Variants in PRKAG2 observed in about 807,000 individuals in gnomAD.
PRKAG2 encodes the protein 5'-AMP-activated protein kinase subunit gamma-2.
In PRKAG2, 26 loss-of-function variants were observed where a neutral mutation model predicts 69.6. That is an observed-to-expected ratio of 0.37 (90% CI 0.27 to 0.52). The LOEUF (loss-of-function observed/expected upper bound fraction) is 0.52. PRKAG2 is among the 20% of genes least tolerant of loss of function. The pLI is 0.90. For missense variants in PRKAG2, 557 were observed against 740.0 expected (o/e 0.75, Z 2.87); for synonymous variants, 293 against 285.0 (o/e 1.03, Z -0.28).
intron 4 of PRKAG2, among the ~76,000 whole-genome samples, chr7:151,671,395 C>T (rs1254115588): frequency 2.0e-5 from 3 of 152,102 alleles, no homozygotes. Flanking sequence ...CACATTCCTC[C>T]ACAGAGATTA....
intron 3 of PRKAG2, among the ~76,000 whole-genome samples, chr7:151,712,690 G>A (rs921661756): frequency 6.6e-6 from 1 of 152,224 alleles, no homozygotes. Context: ...TGCAGAGTAA[G>A]CAAAATGAGT....
At position 151,876,516 on chromosome 7, in the gene PRKAG2, C is replaced by A; in HGVS notation, c.105G>T (p.Val35=). 6 of 1,606,748 alleles carry A rather than the reference C, an allele frequency of 3.7e-6. No individual in the cohort carries two copies. Among genetic ancestry groups the A allele is most frequent in the Non-Finnish European group, 5.1e-6 (6 of 1,179,756 alleles). The change falls in exon 1 of 16, where the codon GTG becomes GTT. Residue 35 remains valine, a synonymous_variant. Coordinates refer to ENST00000287878, the MANE Select transcript of PRKAG2 (RefSeq NM_016203.4). ...NASQKRRSLR[V]HIPDLSSFAM... ...GAGTGCTGGGACTCACCGGAATGTG[C>A]ACGCGCAGCGAACGCCTCTTCTGGC...
At chr7:151,619,463 A>G (rs1398754981) in intron 5 of PRKAG2, among the ~76,000 whole-genome samples, 1 of 152,232 alleles carries the variant, frequency 6.6e-6, no homozygotes, top group Non-Finnish European at 1.5e-5. Context: ...TGTATTTATC[A>G]GTAGCATAGA....
At chr7:151,739,667 C>T (rs781206934) in intron 3 of PRKAG2, among the ~76,000 whole-genome samples, 9 of 151,856 alleles carry the variant, frequency 5.9e-5, no homozygotes, top group African/African-American at 7.3e-5. Context: ...ACGGGGGTTT[C>T]GCCATGTTGC....
At chr7:151,688,963 A>G (rs1455793445) in intron 3 of PRKAG2, among the ~76,000 whole-genome samples, 2 of 152,042 alleles carry the variant, frequency 1.3e-5, no homozygotes, top group African/African-American at 4.8e-5. Context: ...AGCTATACCC[A>G]TTTTGCACCC....
At chr7:151,867,817 T>C (rs1288861867) in intron 1 of PRKAG2, among the ~76,000 whole-genome samples, 1 of 152,176 alleles carries the variant, frequency 6.6e-6, no homozygotes, top group East Asian at 1.9e-4. Context: ...TCTATTTCTT[T>C]ATTCACAAGT....
At chr7:151,597,137 T>C (rs1260784275) in intron 5 of PRKAG2, among the ~76,000 whole-genome samples, 1 of 152,166 alleles carries the variant, frequency 6.6e-6, no homozygotes, top group Non-Finnish European at 1.5e-5. Flanking sequence ...TACAGCCAAA[T>C]GATTTTTGAC....
intron 4 of PRKAG2, among the ~76,000 whole-genome samples, chr7:151,664,078 T>C (rs1178093215): frequency 6.6e-6 from 1 of 152,176 alleles, no homozygotes; most frequent in African/African-American, 2.4e-5. Flanking sequence ...ACTTGACCCA[T>C]GAGACACCAT....
intron 3 of PRKAG2, among the ~76,000 whole-genome samples, chr7:151,747,857 C>A (rs368654606): frequency 1.3e-5 from 2 of 151,774 alleles, no homozygotes; most frequent in South Asian, 2.1e-4. Context: ...CTGTTTATAG[C>A]ATCACTCTCA....
intron 7 of PRKAG2, among the ~76,000 whole-genome samples, chr7:151,575,847 A>G (rs4726052): frequency 0.025 from 3,810 of 150,666 alleles, 140 homozygotes; most frequent in East Asian, 0.17. Context: ...CAACAACAAC[A>G]AAAGCTCCAT....
rs1421143705 is a variant in PRKAG2 at position 151,814,996 on chromosome 7, G to A, written c.115-28455C>T. 8.0e-6 allele frequency: 3 copies of A among 374,410 alleles called. No homozygotes were observed. Among genetic ancestry groups the A allele is most frequent in the Non-Finnish European group, 1.1e-5 (3 of 271,580 alleles). 23.2% of individuals were successfully genotyped at this position (374,410 alleles called of 1,614,324 possible). ...CAGCAGTGGACAGCTCTGGGCTCCA[G>A]GTCCTCTGGCCAGCACAACCCCTGC... On this transcript the variant is annotated intron_variant, in intron 1 of 15. Transcript: ENST00000287878. The surrounding 1 kb of genome is among the most constrained non-coding windows in gnomAD (Gnocchi z 4.8).
intron 3 of PRKAG2, among the ~76,000 whole-genome samples, chr7:151,685,477 T>G (rs1322284309): frequency 1.3e-5 from 2 of 152,210 alleles, no homozygotes; most frequent in Non-Finnish European, 1.5e-5. Flanking sequence ...TCAGTTTTAA[T>G]TTCTAATATA....
chr7:151,672,180 C>A (rs528692859), intron 4 of PRKAG2, among the ~76,000 whole-genome samples: 5 of 151,978 alleles, frequency 3.3e-5, no homozygotes, highest in Admixed American at 2.6e-4. Flanking sequence ...CGGCTCACTG[C>A]AAGCTCTGCC....
At chr7:151,795,556 C>A (rs954559891) in intron 1 of PRKAG2, among the ~76,000 whole-genome samples, 1 of 152,148 alleles carries the variant, frequency 6.6e-6, no homozygotes, top group Admixed American at 6.5e-5. Context: ...GAGGCCATAG[C>A]ACCCACTGAT....
intron 3 of PRKAG2, among the ~76,000 whole-genome samples, chr7:151,678,078 A>C (rs1275563153): frequency 6.6e-6 from 1 of 152,022 alleles, no homozygotes; most frequent in African/African-American, 2.4e-5. Flanking sequence ...TCCTCCTCGC[A>C]GCTCCCAGAA....
chr7:151,631,543 G>A, intron 5 of PRKAG2: 1 of 325,458 alleles, frequency 3.1e-6, no homozygotes, highest in South Asian at 2.3e-5. Context: ...CAGAAATGAC[G>A]GAGTGAGAGG....
chr7:151,561,985 G>T (rs1220628340), intron 14 of PRKAG2, among the ~76,000 whole-genome samples: 1 of 146,576 alleles, frequency 6.8e-6, no homozygotes, highest in African/African-American at 2.5e-5. Context: ...GGTGGCTCAC[G>T]CCTGTAATCC....
intron 1 of PRKAG2, among the ~76,000 whole-genome samples, chr7:151,796,056 A>G (rs192850387): frequency 1.3e-5 from 2 of 151,652 alleles, no homozygotes; most frequent in East Asian, 1.9e-4. Flanking sequence ...ATTAAGAAAA[A>G]TAGGAGATCT....
intron 3 of PRKAG2, among the ~76,000 whole-genome samples, chr7:151,749,051 C>T (rs75644100): frequency 6.5e-4 from 99 of 152,284 alleles, no homozygotes; most frequent in African/African-American, 2.3e-3. Flanking sequence ...CTCATAGAGG[C>T]CCACGGGCCA....
Sources: gnomAD v4.1 joint callset for allele counts (sites outside exome capture counted in the v4.1 genomes callset) on GRCh38, gnomAD v4.1.1 for gene constraint, Gnocchi (gnomAD v3.1) non-coding constraint, MANE v1.5 for transcripts, NCBI Gene and HGNC (gene_info 2026-07-23, HGNC 2026-07-21) for gene names.